The following CHST8 variants were observed in gnomAD, a reference collection of about 807,000 sequenced individuals.
CHST8 encodes the protein GALNAC-4-ST1.
Under a neutral mutation model 15.0 loss-of-function variants are expected in CHST8, and 10 were observed. That is an observed-to-expected ratio of 0.67 (90% CI 0.41 to 1.13). The LOEUF (loss-of-function observed/expected upper bound fraction) is 1.13. Among genes scored for constraint, CHST8 ranks in the 50% most tolerant of loss-of-function variants. The pLI, the probability that CHST8 is intolerant of heterozygous loss-of-function variation, is 0.00. For missense variants in CHST8, 634 were observed against 608.2 expected (o/e 1.04, Z -0.45); for synonymous variants, 259 against 256.6 (o/e 1.01, Z -0.09).
At chr19:33,650,417 G>C (rs1459980830) in intron 1 of CHST8, among the ~76,000 whole-genome samples, 3 of 147,854 alleles carry the variant, frequency 2.0e-5, no homozygotes, top group Non-Finnish European at 4.5e-5. Flanking sequence ...AATTAATTGA[G>C]TTGTTAAATT....
rs376386370 is a variant in CHST8 at position 33,648,902 on chromosome 19, C to CTTTTTTTTTT, written c.-163-18855_-163-18846dup. On this transcript the variant is annotated intron_variant, in intron 1 of 4. Coordinates refer to ENST00000650847, the MANE Select transcript of CHST8 (RefSeq NM_001127895.2). ...TTCAGGCGTAAAAAGGAATGAAGCACTTTTTTTTTTTTTTTTTTTGAGTTG... is the reference window on the plus strand; with the variant it reads ...TTCAGGCGTAAAAAGGAATGAAGCACTTTTTTTTTTTTTTTTTTTTTTTTTTTTTGAGTTG... 3.1e-4 allele frequency among the ~76,000 whole-genome samples: 31 copies of CTTTTTTTTTT among 99,958 alleles called. 1 individual carries two copies. Among genetic ancestry groups the CTTTTTTTTTT allele is most frequent in the East Asian group, 8.4e-4 (3 of 3,564 alleles). 65.6% of individuals were successfully genotyped at this position (99,958 alleles called of 152,430 possible).
At chr19:33,682,594 C>T (rs1972909400) in intron 2 of CHST8, among the ~76,000 whole-genome samples, 1 of 152,216 alleles carries the variant, frequency 6.6e-6, no homozygotes, top group East Asian at 1.9e-4. Flanking sequence ...CTGCATTCTA[C>T]TTTCTGTCTC....
chr19:33,624,500 G>C lies in CHST8; in HGVS notation c.-164+2204G>C, dbSNP rs1056505769. 2.0e-5 allele frequency among the ~76,000 whole-genome samples: 3 copies of C among 152,322 alleles called. No individual in the cohort carries two copies. In the East Asian group the frequency reaches 5.8e-4, roughly 29 times the overall value. On this transcript the variant is annotated intron_variant, in intron 1 of 4. Coordinates refer to ENST00000650847, the MANE Select transcript of CHST8 (RefSeq NM_001127895.2). ...CCATAATGAACATTTACTGATTACA[G>C]GGTATCCAGGGAATTTCATTTTTTA... is the stretch of plus-strand genomic sequence containing the variant.
At chr19:33,703,267 C>A (rs1168153819) in intron 3 of CHST8, among the ~76,000 whole-genome samples, 1 of 152,204 alleles carries the variant, frequency 6.6e-6, no homozygotes, top group Non-Finnish European at 1.5e-5. Flanking sequence ...AAACGGGGCA[C>A]ACCCACTGCC....
At chr19:33,770,325 G>T (rs1974950081) in intron 3 of CHST8, among the ~76,000 whole-genome samples, 1 of 152,344 alleles carries the variant, frequency 6.6e-6, no homozygotes, top group Admixed American at 6.5e-5. Context: ...GCGCCAGCCA[G>T]AAGATCCAGC....
At chr19:33,729,811 G>C (rs954831200) in intron 3 of CHST8, among the ~76,000 whole-genome samples, 4 of 152,244 alleles carry the variant, frequency 2.6e-5, no homozygotes, top group Non-Finnish European at 5.9e-5. Context: ...CTGAAGGATA[G>C]AGATTGTCGA....
chr19:33,666,252 T>A (rs1972659013), intron 1 of CHST8, among the ~76,000 whole-genome samples: 1 of 152,154 alleles, frequency 6.6e-6, no homozygotes, highest in Non-Finnish European at 1.5e-5. Flanking sequence ...TCTTCTCCCC[T>A]CCATGCCCGT....
chr19:33,727,998 G>C (rs1237579189), intron 3 of CHST8, among the ~76,000 whole-genome samples: 1 of 152,280 alleles, frequency 6.6e-6, no homozygotes, highest in Non-Finnish European at 1.5e-5. Flanking sequence ...ACCAATGTGG[G>C]ACTTTGGTAA....
chr19:33,724,222 C>A (rs1200292277), intron 3 of CHST8, among the ~76,000 whole-genome samples: 2 of 152,204 alleles, frequency 1.3e-5, no homozygotes, highest in Non-Finnish European at 1.5e-5. Context: ...TTACCCCACA[C>A]CCAGGCCCAG....
chr19:33,640,391 G>A (rs1317079021), intron 1 of CHST8, among the ~76,000 whole-genome samples: 1 of 152,186 alleles, frequency 6.6e-6, no homozygotes, highest in Non-Finnish European at 1.5e-5. Flanking sequence ...TCCTTTGGGT[G>A]GCTCAGCCCA....
At chr19:33,710,405 A>G (rs958149060) in intron 3 of CHST8, among the ~76,000 whole-genome samples, 2 of 149,380 alleles carry the variant, frequency 1.3e-5, no homozygotes, top group Non-Finnish European at 1.5e-5. Flanking sequence ...TTTATTTGTT[A>G]CTTCCTCTCT....
At chr19:33,704,857 C>T (rs906256504) in intron 3 of CHST8, among the ~76,000 whole-genome samples, 1 of 149,604 alleles carries the variant, frequency 6.7e-6, no homozygotes, top group East Asian at 2.0e-4. Context: ...TTGCAGTGAG[C>T]TGAAATCACG....
chr19:33,694,050 A>C (rs757551283), intron 3 of CHST8, among the ~76,000 whole-genome samples: 1 of 142,588 alleles, frequency 7.0e-6, no homozygotes, highest in African/African-American at 2.6e-5. Context: ...AGATATGTAT[A>C]TAAAACTACA....
chr19:33,628,277 G>A (rs920996451), intron 1 of CHST8, among the ~76,000 whole-genome samples: 14 of 152,210 alleles, frequency 9.2e-5, no homozygotes, highest in Non-Finnish European at 1.3e-4. Flanking sequence ...GGCCCATGTC[G>A]CCAGCAGAGT....
chr19:33,660,004 G>A (rs1403981768), intron 1 of CHST8, among the ~76,000 whole-genome samples: 1 of 152,142 alleles, frequency 6.6e-6, no homozygotes, highest in East Asian at 1.9e-4. Context: ...CTCACAACTG[G>A]GCCCTGGGCT....
chr19:33,683,425 T>C (rs540564832), intron 2 of CHST8, among the ~76,000 whole-genome samples: 14 of 152,190 alleles, frequency 9.2e-5, no homozygotes, highest in Non-Finnish European at 1.8e-4. Context: ...GAGGTCCTGG[T>C]GGCGAGCGGG....
At chr19:33,749,382 C>T (rs71337504) in intron 3 of CHST8, among the ~76,000 whole-genome samples, 11,309 of 146,704 alleles carry the variant, frequency 0.077, 530 homozygotes, top group Non-Finnish European at 0.097. Context: ...ACCCACCATC[C>T]TCCTACCATC....
Position 33,773,066 on chromosome 19 carries a change from G to C in CHST8, c.*3G>C. On this transcript the variant is annotated 3_prime_UTR_variant, in exon 5 of 5. Coordinates refer to ENST00000650847, the MANE Select transcript of CHST8 (RefSeq NM_001127895.2). ...AGCCCTTTGCAGATCTGTACTGAGG[G>C]GCGCCGCAGCTGGCCGGGGCCGCCC... 6.3e-7 allele frequency: 1 copy of C among 1,585,276 alleles called. No individual in the cohort carries two copies. Among genetic ancestry groups the C allele is most frequent in the African/African-American group, 1.3e-5 (1 of 74,694 alleles).
At position 33,680,262 on chromosome 19, in the gene CHST8, A is replaced by G. The variant is rs543334092; in HGVS notation, c.-86-8914A>G. Among the ~76,000 whole-genome samples the G allele has an allele frequency of 1.1e-4, 17 of 152,364 alleles. 1 individual carries two copies. In the East Asian group the frequency reaches 2.9e-3, roughly 26 times the overall value. On this transcript the variant is annotated intron_variant, in intron 2 of 4. Transcript: ENST00000650847. ...ATTGTGCCTGGAACGTTAACAAATA[A>G]TGATAAATACCTGTTCCTTTTTCTT...
Sources: allele counts gnomAD v4.1 joint callset (sites outside exome capture counted in the v4.1 genomes callset), GRCh38; gene constraint gnomAD v4.1.1; transcripts MANE v1.5; gene names NCBI Gene and HGNC (gene_info 2026-07-23, HGNC 2026-07-21).